Variants in RELN observed in about 807,000 individuals in gnomAD.
RELN encodes the protein reelin.
RELN carries 108 observed loss-of-function variants against 427.6 expected under a neutral mutation model. That is an observed-to-expected ratio of 0.25 (90% CI 0.22 to 0.30). The LOEUF (loss-of-function observed/expected upper bound fraction) is 0.30, where lower values mean the gene tolerates loss of function less well. Ranked by LOEUF, RELN falls within the 10% of genes least tolerant of loss-of-function variation. RELN has a pLI of 1.00. For missense variants in RELN, 3,715 were observed against 4,302.8 expected (o/e 0.86, Z 3.82); for synonymous variants, 1,524 against 1,513.4 (o/e 1.01, Z -0.16).
chr7:103,909,710 A>T (rs1471578182), intron 2 of RELN, among the ~76,000 whole-genome samples: 3 of 41,052 alleles, frequency 7.3e-5, no homozygotes, highest in African/African-American at 1.2e-4. Flanking sequence ...TAATATATAT[A>T]AATATATATT....
chr7:103,580,188 C>T (rs1831098410), intron 28 of RELN, among the ~76,000 whole-genome samples: 1 of 152,236 alleles, frequency 6.6e-6, no homozygotes, highest in South Asian at 2.1e-4. Flanking sequence ...CAAATTTTAA[C>T]AATTTTAACA....
intron 30 of RELN, 69 bp downstream of exon 30, chr7:103,574,023 T>G: frequency 8.4e-7 from 1 of 1,185,726 alleles, no homozygotes; most frequent in Non-Finnish European, 1.3e-6. Flanking sequence ...AACAGAATGT[T>G]TTAAGTTAGA....
At chr7:103,817,554 C>A (rs1792904464) in intron 3 of RELN, among the ~76,000 whole-genome samples, 1 of 152,154 alleles carries the variant, frequency 6.6e-6, no homozygotes, top group Non-Finnish European at 1.5e-5. Flanking sequence ...TGTGTTTGTA[C>A]AAGAAACCAT....
intron 38 of RELN, among the ~76,000 whole-genome samples, chr7:103,554,976 A>G (rs1830492276): frequency 6.6e-6 from 1 of 152,206 alleles, no homozygotes; most frequent in South Asian, 2.1e-4. Flanking sequence ...TTGTTTATTT[A>G]ATACAGAAGA....
chr7:103,768,584 G>C (rs1407003144), intron 4 of RELN, among the ~76,000 whole-genome samples: 3 of 152,152 alleles, frequency 2.0e-5, no homozygotes, highest in Non-Finnish European at 4.4e-5. Context: ...AGTAAGGACA[G>C]TGATTTTTCA....
At chr7:103,764,241 C>T (rs576781545) in intron 4 of RELN, among the ~76,000 whole-genome samples, 6 of 152,304 alleles carry the variant, frequency 3.9e-5, no homozygotes, top group African/African-American at 2.4e-5. Flanking sequence ...ATTTAATCCT[C>T]ACAACCTTAT....
intron 21 of RELN, 31 bp downstream of exon 21, chr7:103,611,580 C>G (rs1227238378): frequency 6.3e-7 from 1 of 1,580,452 alleles, no homozygotes; most frequent in African/African-American, 1.4e-5. Context: ...AGAAGGTTAC[C>G]TGTTACAAGG....
intron 20 of RELN, among the ~76,000 whole-genome samples, chr7:103,615,684 T>C (rs1187498438): frequency 2.6e-5 from 4 of 152,162 alleles, no homozygotes; most frequent in Admixed American, 6.5e-5. Flanking sequence ...AGCTAGAAAC[T>C]AGGCTTTCTG....
chr7:103,826,316 GACAA>G (rs3051692), intron 3 of RELN, among the ~76,000 whole-genome samples: 2 of 137,292 alleles, frequency 1.5e-5, no homozygotes, highest in African/African-American at 5.6e-5. Flanking sequence ...AACAGACTAA[GACAA>G]TGTGTGTGTG....
At chr7:103,818,292 A>C (rs1792929657) in intron 3 of RELN, among the ~76,000 whole-genome samples, 1 of 152,226 alleles carries the variant, frequency 6.6e-6, no homozygotes, top group Non-Finnish European at 1.5e-5. Context: ...TGTGCCTTAC[A>C]AAATAAACAT....
At chr7:103,552,976 CAAAT>C (rs1475245157) in intron 40 of RELN, among the ~76,000 whole-genome samples, 2 of 151,742 alleles carry the variant, frequency 1.3e-5, no homozygotes, top group Non-Finnish European at 2.9e-5. Flanking sequence ...GCTCTCTTGA[CAAAT>C]AAAAGGAGTG....
At position 103,594,335 on chromosome 7, in the gene RELN, G is replaced by A. The variant is rs201705793; in HGVS notation, c.3697C>T (p.Pro1233Ser). 6.2e-7 allele frequency: 1 copy of A among 1,613,722 alleles called. No individual in the cohort carries two copies. The highest frequency in any genetic ancestry group is 8.5e-7 in the Non-Finnish European group (1 of 1,179,820). Residue 1233 changes from proline to serine, a missense_variant, in exon 26 of 65, where the codon CCA (proline) becomes TCA (serine). This residue lies in a region of RELN where 2,208 missense variants were observed against 2,361.7 expected (regional missense o/e 0.93). Transcript: ENST00000428762. ...KQKQIIPVINPTLPQNFYEKP... is the reference protein window; with the variant it reads ...KQKQIIPVINSTLPQNFYEKP... ...TAGGAGAATACCTGAGGTAAAGTTG[G>A]ATTGATAACTGGGATGATCTGCTTC...
chr7:103,596,265 C>T (rs1423893687), intron 25 of RELN, among the ~76,000 whole-genome samples, 191 bp downstream of exon 25: 1 of 152,142 alleles, frequency 6.6e-6, no homozygotes, highest in Non-Finnish European at 1.5e-5. Context: ...AAAATTCAAA[C>T]ATGAATACAA....
chr7:103,749,577 A>G (rs1359092304), intron 5 of RELN, 73 bp from the exon 6 acceptor site: 2 of 1,054,266 alleles, frequency 1.9e-6, no homozygotes, highest in Non-Finnish European at 3.0e-6. Flanking sequence ...AAGTGCCAAC[A>G]TGCTGTATTT....
At chr7:103,520,973 T>A (rs868702002) in intron 48 of RELN, among the ~76,000 whole-genome samples, 6,396 of 132,748 alleles carry the variant, frequency 0.048, 386 homozygotes, top group East Asian at 0.19. Context: ...TTTTTTTTTT[T>A]TTTTTTTTTT....
intron 6 of RELN, among the ~76,000 whole-genome samples, chr7:103,732,231 T>G (rs1790372514): frequency 6.6e-6 from 1 of 152,016 alleles, no homozygotes; most frequent in Admixed American, 6.6e-5. Flanking sequence ...ATATACAAAG[T>G]AAGAAGAGAA....
intron 4 of RELN, among the ~76,000 whole-genome samples, chr7:103,769,044 TCTG>T (rs1372783536): frequency 1.3e-5 from 2 of 152,196 alleles, no homozygotes; most frequent in African/African-American, 4.8e-5. Context: ...CTGATCTACT[TCTG>T]CTTTTTATTT....
chr7:103,478,549 GTTATTTC>G (rs1357243238), intron 63 of RELN, 155 bp from the exon 64 acceptor site: 4 of 654,454 alleles, frequency 6.1e-6, no homozygotes, highest in Non-Finnish European at 1.1e-5. Flanking sequence ...AATTAAAGAA[GTTATTTC>G]TTATTCTTCT....
intron 6 of RELN, among the ~76,000 whole-genome samples, chr7:103,747,018 T>C (rs1295508455): frequency 6.6e-6 from 1 of 152,158 alleles, no homozygotes; most frequent in Non-Finnish European, 1.5e-5. Context: ...CCAACCTAAA[T>C]GTCCAACAAT....
Sources: allele counts gnomAD v4.1 joint callset (sites outside exome capture counted in the v4.1 genomes callset), GRCh38; gene constraint gnomAD v4.1.1; regional missense constraint gnomAD v4.1.1; transcripts MANE v1.5; gene names NCBI Gene and HGNC (gene_info 2026-07-23, HGNC 2026-07-21).